RALGAPA1: variants seen among roughly 807,000 people sequenced by gnomAD.
The protein encoded by RALGAPA1 is Ral GTPase activating protein catalytic subunit alpha 1.
A neutral mutation model predicts 269.6 loss-of-function variants in RALGAPA1; 52 were observed. The observed-to-expected ratio is 0.19, with a 90% CI of 0.15 to 0.24. The LOEUF (loss-of-function observed/expected upper bound fraction) is 0.24. Ranked by LOEUF, RALGAPA1 falls within the 10% of genes least tolerant of loss-of-function variation. The pLI is 1.00. For synonymous variants in RALGAPA1, 817 were observed against 1,008.3 expected, an observed-to-expected ratio of 0.81 and a Z score of 3.60; for missense variants, 1,917 against 3,013.9, an observed-to-expected ratio of 0.64 and a Z score of 8.52.
intron 16 of RALGAPA1, among the ~76,000 whole-genome samples, chr14:35,719,091 G>A (rs1325658451): frequency 6.6e-6 from 1 of 152,120 alleles, no homozygotes; most frequent in African/African-American, 2.4e-5. Context: ...CACTTTGGGA[G>A]GCCAAGGTGG....
At chr14:35,779,876 C>A (rs1567215458) in intron 1 of RALGAPA1, among the ~76,000 whole-genome samples, 1 of 152,182 alleles carries the variant, frequency 6.6e-6, no homozygotes. Flanking sequence ...ATAATCCCAG[C>A]ACTTTGGGAG....
At position 35,688,568 on chromosome 14, in the gene RALGAPA1, C is replaced by T. The variant is rs557756611; in HGVS notation, c.3843G>A (p.Ser1281=). Residue 1281 remains serine (S), a synonymous_variant, in exon 18 of 42, where the codon TCG becomes TCA. Coordinates refer to ENST00000680220, the MANE Select transcript of RALGAPA1 (RefSeq NM_001346249.2). ...GVYKTVVHAL[S]KPKANVSPQR... The stretch of plus-strand genomic sequence containing the variant: ...GTGGGGAAACATTTGCCTTCGGCTT[C>T]GAAAGAGCATGTACAACAGTTTTAT... 3.6e-5 allele frequency: 56 copies of T among 1,536,084 alleles called. No individual in the cohort carries two copies. In the East Asian group the frequency reaches 1.1e-3, roughly 32 times the overall value.
intron 33 of RALGAPA1, among the ~76,000 whole-genome samples, chr14:35,629,748 C>T (rs895671868): frequency 3.3e-5 from 5 of 152,138 alleles, no homozygotes; most frequent in African/African-American, 1.2e-4. Context: ...ATCCACCCAC[C>T]TAGGCCTCCC....
At chr14:35,749,938 C>T (rs769453493) in intron 9 of RALGAPA1, among the ~76,000 whole-genome samples, 9 of 151,316 alleles carry the variant, frequency 5.9e-5, no homozygotes, top group Admixed American at 2.0e-4. Flanking sequence ...GAAAAATGTA[C>T]GAGGGAAAAT....
At chr14:35,674,833 A>G (rs2064804294) in intron 22 of RALGAPA1, 124 bp from the exon 23 acceptor site, 1 of 539,952 alleles carries the variant, frequency 1.9e-6, no homozygotes, top group Non-Finnish European at 3.3e-6. Context: ...ATGTCAACAT[A>G]CATTATTTTT....
At chr14:35,747,897 CTT>C (rs369401504) in intron 10 of RALGAPA1, among the ~76,000 whole-genome samples, 2 of 148,640 alleles carry the variant, frequency 1.3e-5, no homozygotes. Context: ...TTTATTTTCC[CTT>C]TTTTTTTTCT....
chr14:35,554,584 G>A (rs1204903461), intron 39 of RALGAPA1, among the ~76,000 whole-genome samples: 1 of 151,642 alleles, frequency 6.6e-6, no homozygotes, highest in Non-Finnish European at 1.5e-5. Flanking sequence ...CTGACCTCGT[G>A]ATCCGCCCGC....
chr14:35,646,549 T>C (rs2062448158), intron 31 of RALGAPA1, among the ~76,000 whole-genome samples: 1 of 152,192 alleles, frequency 6.6e-6, no homozygotes, highest in Non-Finnish European at 1.5e-5. Context: ...CTAGACTGTA[T>C]TCTTTAAAAT....
In RALGAPA1 at chr14:35,671,522, G is replaced by C. The variant is rs781449444; in HGVS notation, c.5074-5C>G. On this transcript the variant is annotated splice_polypyrimidine_tract_variant and splice_region_variant and intron_variant, in intron 25 of 41. Transcript: ENST00000680220. ...GATGATTGTATTGACAATATCCTTAGAATAAGGAAAGAAGGAAAAAAGAAT... is the reference window on the plus strand; with the variant it reads ...GATGATTGTATTGACAATATCCTTACAATAAGGAAAGAAGGAAAAAAGAAT... 1.3e-6 allele frequency: 2 copies of C among 1,510,236 alleles called. No individual in the cohort carries two copies. Among genetic ancestry groups the C allele is most frequent in the Admixed American group, 3.4e-5 (2 of 58,710 alleles). The allele number at this position is 1,510,236 out of a possible 1,614,324, so 93.6% of individuals were successfully genotyped here. A position where few individuals can be genotyped will look rare whatever the true frequency, so the allele number is the denominator to read the frequency against.
chr14:35,675,587 C>A (rs986684655), intron 22 of RALGAPA1, among the ~76,000 whole-genome samples: 21 of 152,166 alleles, frequency 1.4e-4, no homozygotes, highest in Non-Finnish European at 2.2e-4. Context: ...TAGTTCTAGT[C>A]TCTTTCTGCT....
chr14:35,639,041 C>A (rs1594924093), intron 31 of RALGAPA1, among the ~76,000 whole-genome samples: 1 of 152,188 alleles, frequency 6.6e-6, no homozygotes, highest in Non-Finnish European at 1.5e-5. Flanking sequence ...ACCCAACGAT[C>A]TGTTGCCTAC....
At chr14:35,768,064 C>T (rs1368101452) in intron 4 of RALGAPA1, among the ~76,000 whole-genome samples, 2 of 150,842 alleles carry the variant, frequency 1.3e-5, no homozygotes, top group Non-Finnish European at 2.9e-5. Context: ...CATGAGCCAC[C>T]ACATCTGTCC....
At chr14:35,699,270 T>A (rs1213288222) in intron 17 of RALGAPA1, among the ~76,000 whole-genome samples, 1 of 152,138 alleles carries the variant, frequency 6.6e-6, no homozygotes, top group African/African-American at 2.4e-5. Context: ...ACAAAACTGA[T>A]CTATGGTGAT....
intron 16 of RALGAPA1, among the ~76,000 whole-genome samples, chr14:35,703,207 C>T (rs981697818): frequency 6.6e-6 from 1 of 152,132 alleles, no homozygotes; most frequent in Non-Finnish European, 1.5e-5. Context: ...TGTGGTAGCT[C>T]ACACCTGTAA....
intron 1 of RALGAPA1, among the ~76,000 whole-genome samples, chr14:35,800,874 G>A (rs534697413): frequency 1.4e-4 from 21 of 152,000 alleles, no homozygotes; most frequent in Admixed American, 3.9e-4. Context: ...GCGGGGTGGC[G>A]CATGCCTGTA....
chr14:35,747,183 A>G (rs2072197316), intron 10 of RALGAPA1, among the ~76,000 whole-genome samples: 1 of 152,132 alleles, frequency 6.6e-6, no homozygotes, highest in African/African-American at 2.4e-5. Context: ...GCAATTAAAT[A>G]CTGCATTTAT....
intron 8 of RALGAPA1, 26 bp downstream of exon 8, chr14:35,751,998 T>C (rs762265248): frequency 6.4e-7 from 1 of 1,561,964 alleles, no homozygotes; most frequent in Non-Finnish European, 8.6e-7. Flanking sequence ...AGTGTGATCT[T>C]TCAGAAAATT....
chr14:35,788,017 G>C (rs2141726343), intron 1 of RALGAPA1, among the ~76,000 whole-genome samples: 1 of 152,228 alleles, frequency 6.6e-6, no homozygotes, highest in South Asian at 2.1e-4. Context: ...TGTTGCCCAG[G>C]CTGGAGTGCA....
chr14:35,620,974 C>A (rs1035237165), intron 35 of RALGAPA1, among the ~76,000 whole-genome samples: 3 of 152,156 alleles, frequency 2.0e-5, no homozygotes, highest in Non-Finnish European at 4.4e-5. Context: ...CCCCATCAAG[C>A]TACCAGTGAC....
Sources: allele counts gnomAD v4.1 joint callset (sites outside exome capture counted in the v4.1 genomes callset), GRCh38; gene constraint gnomAD v4.1.1; transcripts MANE v1.5; gene names NCBI Gene and HGNC (gene_info 2026-07-23, HGNC 2026-07-21).